SEMA6D: variants seen among roughly 807,000 people sequenced by gnomAD.
SEMA6D encodes semaphorin 6D, also known as semaphorin-6D.
SEMA6D carries 35 observed loss-of-function variants against 106.6 expected under a neutral mutation model. The observed-to-expected ratio is 0.33, with a 90% CI of 0.25 to 0.44. The LOEUF (loss-of-function observed/expected upper bound fraction) is 0.44. Among genes scored for constraint, SEMA6D ranks in the 20% least tolerant of loss-of-function variants. The pLI is 1.00. For missense variants in SEMA6D, 1,185 were observed against 1,345.9 expected (o/e 0.88, Z 1.87); for synonymous variants, 499 against 487.7 (o/e 1.02, Z -0.31).
chr15:47,206,254 A>T (rs917926544), intron 1 of SEMA6D, among the ~76,000 whole-genome samples: 1 of 152,176 alleles, frequency 6.6e-6, no homozygotes, highest in African/African-American at 2.4e-5. Flanking sequence ...GCCAACATGT[A>T]TATGTGTCTT....
At chr15:47,227,433 C>CTT (rs1566937803) in intron 1 of SEMA6D, among the ~76,000 whole-genome samples, 1 of 144,712 alleles carries the variant, frequency 6.9e-6, no homozygotes, top group Non-Finnish European at 1.5e-5. Context: ...TTCTTTCTTT[C>CTT]TTTCTTTTCT....
intron 1 of SEMA6D, among the ~76,000 whole-genome samples, chr15:47,257,349 A>G (rs923786862): frequency 2.0e-5 from 3 of 152,264 alleles, no homozygotes; most frequent in East Asian, 1.9e-4. Context: ...GAGCCACTGC[A>G]CCCGACCAAT....
chr15:47,283,284 G>A (rs2035213703), intron 1 of SEMA6D, among the ~76,000 whole-genome samples: 1 of 152,126 alleles, frequency 6.6e-6, no homozygotes, highest in South Asian at 2.1e-4. Flanking sequence ...GTACATGTGT[G>A]TGTATATGTT....
At chr15:47,694,709 C>G (rs1818470621) in intron 4 of SEMA6D, among the ~76,000 whole-genome samples, 1 of 152,046 alleles carries the variant, frequency 6.6e-6, no homozygotes, top group South Asian at 2.1e-4. Flanking sequence ...GTGAAAAGAT[C>G]AAGGCATGTG....
intron 4 of SEMA6D, among the ~76,000 whole-genome samples, chr15:47,629,600 G>T (rs898764156): frequency 4.6e-5 from 7 of 151,810 alleles, no homozygotes; most frequent in Non-Finnish European, 1.0e-4. Flanking sequence ...CCTCTCCTCA[G>T]GTTACTTTGA....
chr15:47,651,553 T>C (rs1360874943), intron 4 of SEMA6D, among the ~76,000 whole-genome samples: 2 of 152,190 alleles, frequency 1.3e-5, no homozygotes, highest in African/African-American at 4.8e-5. Context: ...CATCCTTGCT[T>C]GTGAATCTTA....
At chr15:47,194,850 T>C (rs567269872) in intron 1 of SEMA6D, among the ~76,000 whole-genome samples, 2 of 152,156 alleles carry the variant, frequency 1.3e-5, no homozygotes, top group Admixed American at 6.5e-5. Flanking sequence ...CTTTTTATCA[T>C]AAAAGTATAA....
At chr15:47,642,096 C>T (rs1213897541) in intron 4 of SEMA6D, among the ~76,000 whole-genome samples, 1 of 152,134 alleles carries the variant, frequency 6.6e-6, no homozygotes, top group Non-Finnish European at 1.5e-5. Context: ...TGGAGGAAGC[C>T]CACCTAACTT....
chr15:47,455,965 A>G (rs184143056), intron 2 of SEMA6D, among the ~76,000 whole-genome samples: 9 of 151,988 alleles, frequency 5.9e-5, no homozygotes, highest in Admixed American at 5.9e-4. Flanking sequence ...CCCCTCCAAG[A>G]TGGTTCCACT....
At chr15:47,460,883 C>G (rs2042487266) in intron 2 of SEMA6D, among the ~76,000 whole-genome samples, 1 of 152,084 alleles carries the variant, frequency 6.6e-6, no homozygotes, top group African/African-American at 2.4e-5. Flanking sequence ...ACTCAACTAA[C>G]TATGCCTTGA....
At chr15:47,540,815 TAG>T (rs1399209620) in intron 3 of SEMA6D, among the ~76,000 whole-genome samples, 1 of 151,946 alleles carries the variant, frequency 6.6e-6, no homozygotes, top group Non-Finnish European at 1.5e-5. Context: ...AAAGGAAAAA[TAG>T]AGTGTCCCAG....
chr15:47,206,277 T>A (rs1003306150), intron 1 of SEMA6D, among the ~76,000 whole-genome samples: 1 of 152,176 alleles, frequency 6.6e-6, no homozygotes, highest in Non-Finnish European at 1.5e-5. Context: ...TTGGCATGCA[T>A]ATGGAATCTG....
At chr15:47,274,967 C>T (rs1328532055) in intron 1 of SEMA6D, 1 of 152,164 alleles carries the variant, frequency 6.6e-6, no homozygotes, top group East Asian at 1.9e-4. Flanking sequence ...TGCACTGAAG[C>T]TGCAGTTTAG....
chr15:47,751,416 A>G (rs992261364), intron 1 of SEMA6D, among the ~76,000 whole-genome samples: 1 of 152,114 alleles, frequency 6.6e-6, no homozygotes, highest in Non-Finnish European at 1.5e-5. Context: ...TGGGGCTTTC[A>G]TGACCCATAG....
chr15:47,528,013 T>A (rs1242691891), intron 3 of SEMA6D, among the ~76,000 whole-genome samples: 1 of 152,224 alleles, frequency 6.6e-6, no homozygotes. Context: ...TAGTATCATT[T>A]TATTTCCATC....
chr15:47,416,059 A>G (rs559944985), intron 2 of SEMA6D, among the ~76,000 whole-genome samples: 37 of 152,296 alleles, frequency 2.4e-4, no homozygotes, highest in Non-Finnish European at 4.3e-4. Context: ...CTGACATATG[A>G]AATACCAACC....
intron 3 of SEMA6D, among the ~76,000 whole-genome samples, chr15:47,565,462 G>C (rs1424220299): frequency 2.0e-5 from 3 of 152,242 alleles, no homozygotes; most frequent in Non-Finnish European, 2.9e-5. Context: ...AGAGCAACAG[G>C]CTGAGTAAAT....
chr15:47,401,681 C>G (rs2040406131), intron 1 of SEMA6D, among the ~76,000 whole-genome samples: 1 of 152,130 alleles, frequency 6.6e-6, no homozygotes, highest in Non-Finnish European at 1.5e-5. Flanking sequence ...TCTTCCCTGC[C>G]CAGTGACTCT....
chr15:47,736,635 C>T (rs2080462895), intron 1 of SEMA6D, among the ~76,000 whole-genome samples: 1 of 152,170 alleles, frequency 6.6e-6, no homozygotes, highest in Non-Finnish European at 1.5e-5. Context: ...TCCTTACTTC[C>T]TGCTGTCATA....
Sources: allele counts gnomAD v4.1 joint callset (sites outside exome capture counted in the v4.1 genomes callset), GRCh38; gene constraint gnomAD v4.1.1; transcripts MANE v1.5; gene names NCBI Gene and HGNC (gene_info 2026-07-23, HGNC 2026-07-21).